CFAP43: variants seen among roughly 807,000 people sequenced by gnomAD.
CFAP43 encodes cilia and flagella associated protein 43, also known as cilia- and flagella-associated protein 43.
In CFAP43, 155 loss-of-function variants were observed where a neutral mutation model predicts 218.9. That is an observed-to-expected ratio of 0.71 (90% CI 0.62 to 0.81). The LOEUF (loss-of-function observed/expected upper bound fraction) is 0.81. Ranked by LOEUF, CFAP43 falls within the 30% of genes least tolerant of loss-of-function variation. The pLI, the probability that CFAP43 is intolerant of heterozygous loss-of-function variation, is 0.00. For missense variants in CFAP43, 1,778 were observed against 1,954.3 expected (o/e 0.91, Z 1.70); for synonymous variants, 645 against 681.3 (o/e 0.95, Z 0.83).
chr10:104,186,430 C>A (rs774602175), intron 14 of CFAP43, among the ~76,000 whole-genome samples: 3 of 152,182 alleles, frequency 2.0e-5, no homozygotes, highest in Non-Finnish European at 2.9e-5. Flanking sequence ...TTTCACATAT[C>A]TTCATGCTTA....
chr10:104,217,393 G>C (rs530218616), intron 3 of CFAP43, among the ~76,000 whole-genome samples: 2 of 150,792 alleles, frequency 1.3e-5, no homozygotes, highest in South Asian at 2.1e-4. Flanking sequence ...TAGTGTTCCA[G>C]GCATTTTAAA....
In CFAP43 at chr10:104,230,647, T is replaced by A; in HGVS notation, c.262A>T (p.Lys88Ter). ...AAGCTGTATACGTAGATGAGAGGTTTTAGCTTCCGGTCAGAAAAAGCCACA... is the reference window on the plus strand; with the variant it reads ...AAGCTGTATACGTAGATGAGAGGTTATAGCTTCCGGTCAGAAAAAGCCACA... ...EVVAFSDRKL[K>*]PLIYVYSFPG... Residue 88 changes from lysine to a stop codon, truncating the protein, a stop_gained, in exon 2 of 38, where the codon AAA (lysine) becomes TAA (stop). Coordinates refer to ENST00000357060, the MANE Select transcript of CFAP43 (RefSeq NM_025145.7). LOFTEE classifies it high-confidence loss of function. The A allele has an allele frequency of 6.2e-7, 1 of 1,614,166 alleles. No individual in the cohort carries two copies. The highest frequency in any genetic ancestry group is 8.5e-7 in the Non-Finnish European group (1 of 1,180,024).
chr10:104,132,724 C>T, intron 35 of CFAP43: 1 of 984,972 alleles, frequency 1.0e-6, no homozygotes, highest in Non-Finnish European at 1.2e-6. Flanking sequence ...CCAATTATTA[C>T]AAATGCCTAC....
chr10:104,167,797 G>T, intron 21 of CFAP43, 60 bp from the exon 22 acceptor site: 1 of 1,215,026 alleles, frequency 8.2e-7, no homozygotes. Context: ...TGTGTATCTG[G>T]GGTTGAGTAG....
At chr10:104,220,947 A>T (rs1386949968) in intron 3 of CFAP43, among the ~76,000 whole-genome samples, 1 of 133,606 alleles carries the variant, frequency 7.5e-6, no homozygotes, top group Non-Finnish European at 1.6e-5. Flanking sequence ...TATATGAGTG[A>T]GCGTGTGTGT....
rs150235199 is a variant in CFAP43, at chr10:104,153,532, C to T, written c.3541-806G>A. Among the ~76,000 whole-genome samples the T allele has an allele frequency of 5.3e-4, 80 of 152,282 alleles. No homozygotes were observed. The East Asian group carries it at 0.015, about 29-fold the overall frequency. ...ATCTCATGTAGCCCACAAATATACA[C>T]ACCTACTTTGTACCCACAAAAATTA... On this transcript the variant is annotated intron_variant, in intron 27 of 37. Coordinates refer to ENST00000357060, the MANE Select transcript of CFAP43 (RefSeq NM_025145.7).
Position 104,179,060 on chromosome 10 carries a change from A to C in CFAP43, c.2429T>G (p.Ile810Arg). ...GGAAAGTGATTTGATTCCTTGTTTTATCTCTTTCCTTTTCTTGGAAAACAG... is the reference window on the plus strand; with the variant it reads ...GGAAAGTGATTTGATTCCTTGTTTTCTCTCTTTCCTTTTCTTGGAAAACAG... ...VNLFSKKRKEIKQGIKSLSKT... is the reference protein window; with the variant it reads ...VNLFSKKRKERKQGIKSLSKT... The change falls in exon 19 of 38, where the codon ATA (isoleucine) becomes AGA (arginine). Residue 810 changes from isoleucine to arginine, a missense_variant. Transcript: ENST00000357060. 6.2e-7 allele frequency: 1 copy of C among 1,613,392 alleles called. No homozygotes were observed. The highest frequency in any genetic ancestry group is 8.5e-7 in the Non-Finnish European group (1 of 1,179,664).
chr10:104,183,388 T>G (rs947363509), intron 16 of CFAP43, among the ~76,000 whole-genome samples: 1 of 151,308 alleles, frequency 6.6e-6, no homozygotes, highest in African/African-American at 2.4e-5. Context: ...CCATCGTTTT[T>G]TTTTTTTTTT....
At chr10:104,211,867 T>C (rs1051491087) in intron 5 of CFAP43, 140 bp downstream of exon 5, 31 of 943,884 alleles carry the variant, frequency 3.3e-5, no homozygotes, top group Middle Eastern at 7.0e-4. Flanking sequence ...TCTCACAGTC[T>C]CTGTGGCTAA....
chr10:104,170,474 G>A (rs1210963903), intron 20 of CFAP43, among the ~76,000 whole-genome samples: 11 of 152,066 alleles, frequency 7.2e-5, no homozygotes, highest in South Asian at 2.1e-4. Context: ...GTGAGGAAGC[G>A]GGCAGGCACT....
Position 104,168,807 on chromosome 10 carries a change from A to G in CFAP43, c.2628T>C (p.Tyr876=), listed in dbSNP as rs767861792. 2.5e-6 allele frequency: 4 copies of G among 1,614,016 alleles called. No homozygotes were observed. Among genetic ancestry groups the G allele is most frequent in the Admixed American group, 1.7e-5 (1 of 60,026 alleles). ...ATTCTTCTTTGATAAGTTCAGCCAA[A>G]TAGCTCTTGGCTAAGTTATGCATCT... The part of the protein sequence containing the change: ...DVEMHNLAKS[Y]LAELIKEECW... The change falls in exon 21 of 38, where the codon TAT becomes TAC. Residue 876 remains tyrosine (Y), a synonymous_variant. Transcript: ENST00000357060.
intron 3 of CFAP43, among the ~76,000 whole-genome samples, chr10:104,218,548 G>C (rs2134990443): frequency 6.6e-6 from 1 of 152,038 alleles, no homozygotes; most frequent in South Asian, 2.1e-4. Context: ...GGAAGAGTGG[G>C]CACTAACATT....
chr10:104,155,667 T>C (rs371903689), intron 27 of CFAP43, among the ~76,000 whole-genome samples: 58 of 151,860 alleles, frequency 3.8e-4, no homozygotes, highest in African/African-American at 1.4e-3. Flanking sequence ...TCCACCATAA[T>C]AGGAAGATGA....
intron 19 of CFAP43, among the ~76,000 whole-genome samples, chr10:104,173,468 T>C (rs537336086): frequency 1.3e-5 from 2 of 152,296 alleles, no homozygotes; most frequent in African/African-American, 4.8e-5. Flanking sequence ...GGCAGGTTGA[T>C]TAGCTGGGGG....
intron 10 of CFAP43, among the ~76,000 whole-genome samples, chr10:104,195,534 T>A (rs1403200907): frequency 1.3e-5 from 2 of 152,250 alleles, no homozygotes; most frequent in Non-Finnish European, 2.9e-5. Context: ...ATTTATCACA[T>A]TGAATTATGT....
chr10:104,165,714 A>G (rs1269924979), intron 23 of CFAP43, among the ~76,000 whole-genome samples: 1 of 152,224 alleles, frequency 6.6e-6, no homozygotes, highest in Non-Finnish European at 1.5e-5. Context: ...GTAGGAGCTT[A>G]GAGCCAGAGG....
intron 14 of CFAP43, 33 bp downstream of exon 14, chr10:104,187,287 G>C: frequency 6.4e-7 from 1 of 1,555,890 alleles, no homozygotes; most frequent in Non-Finnish European, 8.7e-7. Context: ...TGATTGCTAA[G>C]ATAAATGAGA....
In CFAP43 at chr10:104,217,644, C is replaced by T. The variant is rs192280498; in HGVS notation, c.417-3218G>A. ...AAAACACACTTTGTAGCTTCGATCCCGGTACATTTCCAGCACTCCCAGGTG... is the reference window on the plus strand; with the variant it reads ...AAAACACACTTTGTAGCTTCGATCCTGGTACATTTCCAGCACTCCCAGGTG... On this transcript the variant is annotated intron_variant, in intron 3 of 37. Coordinates refer to ENST00000357060, the MANE Select transcript of CFAP43 (RefSeq NM_025145.7). Among the ~76,000 whole-genome samples the T allele has an allele frequency of 2.0e-4, 30 of 152,318 alleles. No homozygotes were observed. In the East Asian group the frequency reaches 2.9e-3, roughly 15 times the overall value.
intron 16 of CFAP43, among the ~76,000 whole-genome samples, chr10:104,183,458 C>T (rs903179515): frequency 3.3e-5 from 5 of 150,500 alleles, no homozygotes; most frequent in African/African-American, 7.3e-5. Context: ...GGTGCAATCT[C>T]GGCTCACTGC....
Sources: allele counts gnomAD v4.1 joint callset (sites outside exome capture counted in the v4.1 genomes callset), GRCh38; gene constraint gnomAD v4.1.1; transcripts MANE v1.5; gene names NCBI Gene and HGNC (gene_info 2026-07-23, HGNC 2026-07-21).